CRTC3: variants seen among roughly 807,000 people sequenced by gnomAD.
CRTC3 encodes the protein CREB-regulated transcription coactivator 3.
CRTC3 carries 26 observed loss-of-function variants against 74.5 expected under a neutral mutation model. The ratio of observed to expected loss-of-function variants is 0.35; its 90% CI spans 0.26 to 0.48. The LOEUF (loss-of-function observed/expected upper bound fraction) is 0.48. CRTC3 is among the 20% of genes least tolerant of loss of function. CRTC3 has a pLI of 0.99. For missense variants in CRTC3, 760 were observed against 787.3 expected (o/e 0.97, Z 0.41); for synonymous variants, 377 against 325.8 (o/e 1.16, Z -1.69).
chr15:90,601,977 A>T (rs999275727), intron 3 of CRTC3, among the ~76,000 whole-genome samples: 4 of 152,120 alleles, frequency 2.6e-5, no homozygotes, highest in African/African-American at 9.7e-5. Context: ...GGGGTGAGGT[A>T]CCTAGACTAG....
rs777788780 is a variant in CRTC3, at chr15:90,607,420, C to T, written c.519C>T (p.Thr173=). Residue 173 remains threonine (T), a synonymous_variant, in exon 6 of 15, where the codon ACC becomes ACT. Transcript: ENST00000268184. ...CTCTTCACACGAGTGCTCTGAGTAC[C>T]AAGCCCCAGGACCCCTATGGAGGAG... The part of the protein sequence containing the change: ...DSALHTSALS[T]KPQDPYGGGG... The T allele has an allele frequency of 2.5e-6, 4 of 1,613,382 alleles. No individual in the cohort carries two copies. The Admixed American group carries it at 5.0e-5, about 20-fold the overall frequency.
chr15:90,589,118 G>A (rs536328173), intron 2 of CRTC3, among the ~76,000 whole-genome samples: 44 of 139,226 alleles, frequency 3.2e-4, no homozygotes, highest in Admixed American at 3.1e-3. Context: ...GTGCAGTGGC[G>A]CGATCTCAGC....
At chr15:90,627,818 G>C (rs1409570647) in intron 10 of CRTC3, among the ~76,000 whole-genome samples, 1 of 148,618 alleles carries the variant, frequency 6.7e-6, no homozygotes, top group East Asian at 2.0e-4. Context: ...GTTTCACCTT[G>C]TTAGCCAGGA....
In CRTC3 at chr15:90,642,545, T is replaced by C. The variant is rs1672761117; in HGVS notation, c.*405T>C. ...GTCCGCACCGAAGGCGGGCCCGGAGTGGGAGGCTCGGCCTGGGGCGGCGGC... is the reference window on the plus strand; with the variant it reads ...GTCCGCACCGAAGGCGGGCCCGGAGCGGGAGGCTCGGCCTGGGGCGGCGGC... On this transcript the variant is annotated 3_prime_UTR_variant, in exon 15 of 15. Transcript: ENST00000268184. 3.2e-6 allele frequency: 1 copy of C among 316,856 alleles called. No homozygotes were observed. Among genetic ancestry groups the C allele is most frequent in the Non-Finnish European group, 5.9e-6 (1 of 168,764 alleles). The allele number at this position is 316,856 out of a possible 1,614,324, so 19.6% of individuals were successfully genotyped here.
At chr15:90,560,897 A>C (rs1966996871) in intron 2 of CRTC3, among the ~76,000 whole-genome samples, 1 of 152,222 alleles carries the variant, frequency 6.6e-6, no homozygotes, top group African/African-American at 2.4e-5. Context: ...TTAATACCAT[A>C]CAAGCCCTTT....
rs560856650 is a variant in CRTC3, at chr15:90,630,673, C to T, written c.1266+1141C>T. On this transcript the variant is annotated intron_variant, in intron 11 of 14. Transcript: ENST00000268184. ...GTTGAAACATCCTATAAATTCTAAA[C>T]TCAGAGGTGGTTCTCCTTATACCAT... 2.8e-4 allele frequency among the ~76,000 whole-genome samples: 43 copies of T among 151,864 alleles called. 3 individuals carry two copies. In the South Asian group the frequency reaches 4.8e-3, roughly 17 times the overall value.
chr15:90,546,369 C>T lies in CRTC3; in HGVS notation c.231+6232C>T, dbSNP rs182434190. Among the ~76,000 whole-genome samples, 8 of 152,212 alleles carry T rather than the reference C, an allele frequency of 5.3e-5. No homozygotes were observed. In the East Asian group the frequency reaches 1.4e-3, roughly 26 times the overall value. On this transcript the variant is annotated intron_variant, in intron 2 of 14. Coordinates refer to ENST00000268184, the MANE Select transcript of CRTC3 (RefSeq NM_022769.5). ...GACCATATACATGTGGGTCTATTTC[C>T]GGACTCTTCTGTGTCATTGGTTTCT...
chr15:90,605,268 CCGATGAATGGTG>C (rs1161779648), intron 5 of CRTC3, among the ~76,000 whole-genome samples: 3 of 151,956 alleles, frequency 2.0e-5, no homozygotes, highest in African/African-American at 7.3e-5. Context: ...AAAAAGAAAC[CCGATGAATGGTG>C]CAAAATTTTA....
chr15:90,602,194 T>G (rs1821509264), intron 3 of CRTC3, 130 bp from the exon 4 acceptor site: 1 of 642,670 alleles, frequency 1.6e-6, no homozygotes, highest in South Asian at 1.8e-5. Context: ...AGAGAAAGCA[T>G]GAAGGAAGAG....
intron 2 of CRTC3, among the ~76,000 whole-genome samples, chr15:90,568,737 C>G (rs1967183890): frequency 6.6e-6 from 1 of 152,186 alleles, no homozygotes; most frequent in East Asian, 1.9e-4. Context: ...ATACAGCCAA[C>G]TTCGTTGTTG....
intron 13 of CRTC3, among the ~76,000 whole-genome samples, chr15:90,640,236 T>A (rs947661111): frequency 9.9e-5 from 15 of 152,188 alleles, no homozygotes; most frequent in Non-Finnish European, 2.2e-4. Flanking sequence ...AGACTTTTTT[T>A]AAAATGGCTT....
intron 2 of CRTC3, among the ~76,000 whole-genome samples, chr15:90,573,071 C>G (rs1164094068): frequency 6.6e-6 from 1 of 152,210 alleles, no homozygotes; most frequent in East Asian, 1.9e-4. Context: ...CCACCTCCCA[C>G]TAGCTCCTGA....
intron 2 of CRTC3, among the ~76,000 whole-genome samples, chr15:90,587,358 G>A (rs1051638969): frequency 6.6e-6 from 1 of 152,098 alleles, no homozygotes; most frequent in Non-Finnish European, 1.5e-5. Flanking sequence ...AGATTCACAC[G>A]TCCTGTTTCA....
chr15:90,587,742 T>G (rs1162276160), intron 2 of CRTC3, among the ~76,000 whole-genome samples: 1 of 152,082 alleles, frequency 6.6e-6, no homozygotes, highest in Non-Finnish European at 1.5e-5. Context: ...GCCTCCCAAG[T>G]AGCTGGGACT....
intron 14 of CRTC3, 47 bp downstream of exon 14, chr15:90,641,246 G>T (rs753157410): frequency 2.4e-6 from 3 of 1,252,616 alleles, no homozygotes; most frequent in Non-Finnish European, 3.5e-6. Context: ...ATGTTGTTGT[G>T]TGTTCAGGAA....
intron 7 of CRTC3, among the ~76,000 whole-genome samples, chr15:90,616,855 T>G (rs1481948757): frequency 6.6e-6 from 1 of 152,206 alleles, no homozygotes; most frequent in Non-Finnish European, 1.5e-5. Flanking sequence ...CAGCCTCAGA[T>G]CCTCTTGGTT....
chr15:90,541,481 A>T (rs1013867158), intron 2 of CRTC3, among the ~76,000 whole-genome samples: 1 of 152,240 alleles, frequency 6.6e-6, no homozygotes, highest in African/African-American at 2.4e-5. Context: ...CTTGTCTTCA[A>T]TATAATGACA....
chr15:90,591,047 T>TG (rs1967787627), intron 2 of CRTC3, among the ~76,000 whole-genome samples: 1 of 152,038 alleles, frequency 6.6e-6, no homozygotes, highest in South Asian at 2.1e-4. Flanking sequence ...CTCGAACACC[T>TG]GGGTTCAAGT....
At chr15:90,617,849 T>C in intron 7 of CRTC3, 34 bp from the exon 8 acceptor site, 1 of 1,461,896 alleles carries the variant, frequency 6.8e-7, no homozygotes, top group Non-Finnish European at 9.6e-7. Flanking sequence ...TGCCTTCTCA[T>C]GCAATGACTG....
Sources: allele counts gnomAD v4.1 joint callset (sites outside exome capture counted in the v4.1 genomes callset), GRCh38; gene constraint gnomAD v4.1.1; transcripts MANE v1.5; gene names NCBI Gene and HGNC (gene_info 2026-07-23, HGNC 2026-07-21).